Variants in PCDHGA5 observed in about 807,000 individuals in gnomAD.
PCDHGA5 encodes protocadherin gamma-A5.
PCDHGA5 carries 36 observed loss-of-function variants against 56.7 expected under a neutral mutation model. The ratio of observed to expected loss-of-function variants is 0.64; its 90% CI spans 0.49 to 0.84. The LOEUF (loss-of-function observed/expected upper bound fraction) is 0.84, where lower values mean the gene tolerates loss of function less well. Ranked by LOEUF, PCDHGA5 falls within the 40% of genes least tolerant of loss-of-function variation. The probability of loss-of-function intolerance (pLI) is 0.00; values close to 1 mark genes in which losing one functional copy is unlikely to be tolerated. For synonymous variants in PCDHGA5, 563 were observed against 520.2 expected, an observed-to-expected ratio of 1.08 and a Z score of -1.12; for missense variants, 1,305 against 1,201.5, an observed-to-expected ratio of 1.09 and a Z score of -1.27.
chr5:141,403,217 A>G (rs763517467), intron 1 of PCDHGA5: 10 of 1,613,810 alleles, frequency 6.2e-6, no homozygotes, highest in East Asian at 2.2e-5. Context: ...CACCGCGGGT[A>G]GGATAGACCG....
intron 1 of PCDHGA5, chr5:141,415,520 C>T: frequency 6.2e-7 from 1 of 1,614,190 alleles, no homozygotes; most frequent in Non-Finnish European, 8.5e-7. Flanking sequence ...TATGCGGACA[C>T]GCTCATCAGC....
At chr5:141,392,776 C>T in intron 1 of PCDHGA5, 1 of 1,526,772 alleles carries the variant, frequency 6.5e-7, no homozygotes, top group African/African-American at 1.4e-5. Flanking sequence ...CATTTATGCA[C>T]AGTGAAGATT....
In PCDHGA5 at chr5:141,487,694, AC is replaced by A. The variant is rs1296386169; in HGVS notation, c.2422-7112del. On this transcript the variant is annotated intron_variant, in intron 1 of 3. Coordinates refer to ENST00000518069, the MANE Select transcript of PCDHGA5 (RefSeq NM_018918.3). The surrounding 1 kb of genome is among the most constrained non-coding windows in gnomAD (Gnocchi z 5.0). ...ATGGCTAGGCCATGTCCTAGAGAGT[AC>A]TGGCCTCTCAGTAAGTGCCCATAGT... is the stretch of plus-strand genomic sequence containing the variant. The A allele has an allele frequency of 6.2e-7, 1 of 1,602,048 alleles. No individual in the cohort carries two copies. The highest frequency in any genetic ancestry group is 2.2e-5 in the East Asian group (1 of 44,642).
At chr5:141,391,264 G>A (rs1427432631) in intron 1 of PCDHGA5, 1 of 151,768 alleles carries the variant, frequency 6.6e-6, no homozygotes, top group Non-Finnish European at 1.5e-5. Context: ...TCAGTTAATG[G>A]CCACTTTACA....
At chr5:141,413,267 GA>G in intron 1 of PCDHGA5, 1 of 1,613,960 alleles carries the variant, frequency 6.2e-7, no homozygotes, top group Non-Finnish European at 8.5e-7. Flanking sequence ...TGGGAGGCTG[GA>G]GCCCGGCAGA....
chr5:141,505,803 C>A (rs920849273), intron 3 of PCDHGA5, among the ~76,000 whole-genome samples: 2 of 152,234 alleles, frequency 1.3e-5, no homozygotes, highest in African/African-American at 4.8e-5. Flanking sequence ...GGACTTGGAT[C>A]GACTTGCTCA....
In PCDHGA5 at chr5:141,489,515, G is replaced by A. The variant is rs983415025; in HGVS notation, c.2422-5292G>A. On this transcript the variant is annotated intron_variant, in intron 1 of 3. Coordinates refer to ENST00000518069, the MANE Select transcript of PCDHGA5 (RefSeq NM_018918.3). The surrounding 1 kb of genome is among the most constrained non-coding windows in gnomAD (Gnocchi z 4.5). ...CTGGCAGTGAATCAAAAGATTGACC[G>A]AGAAAGCCTATGTGGAGCCAGCACC... 2 of 1,614,104 alleles carry A rather than the reference G, an allele frequency of 1.2e-6. No homozygotes were observed. Among genetic ancestry groups the A allele is most frequent in the Non-Finnish European group, 8.5e-7 (1 of 1,180,034 alleles).
chr5:141,388,871 C>G, intron 1 of PCDHGA5: 1 of 1,613,930 alleles, frequency 6.2e-7, no homozygotes, highest in Non-Finnish European at 8.5e-7. Flanking sequence ...TTGCGCAATG[C>G]ACAGTGGAGG....
intron 1 of PCDHGA5, among the ~76,000 whole-genome samples, chr5:141,470,483 G>T (rs1163257164): frequency 6.6e-6 from 1 of 152,112 alleles, no homozygotes; most frequent in African/African-American, 2.4e-5. Context: ...CTAACCCTCT[G>T]GGAATAATAT....
chr5:141,382,422 C>A (rs1778191772), intron 1 of PCDHGA5, among the ~76,000 whole-genome samples: 1 of 152,092 alleles, frequency 6.6e-6, no homozygotes, highest in Admixed American at 6.5e-5. Context: ...AGTCAGTGCC[C>A]AAAAGAGTCA....
At chr5:141,389,245 C>A (rs755580542) in intron 1 of PCDHGA5, 6 of 1,613,950 alleles carry the variant, frequency 3.7e-6, no homozygotes, top group Non-Finnish European at 5.1e-6. Context: ...TCACAGTCTT[C>A]CTATATAGTC....
chr5:141,486,379 G>A lies in PCDHGA5; in HGVS notation c.2422-8428G>A. 2 of 1,614,094 alleles carry A rather than the reference G, an allele frequency of 1.2e-6. No individual in the cohort carries two copies. Among genetic ancestry groups the A allele is most frequent in the Non-Finnish European group, 1.7e-6 (2 of 1,180,000 alleles). ...CATTTGCCCTCAAGTCTGCCTTCAG[G>A]AACCAGTTCTCCCTGGTGACTGCTG... On this transcript the variant is annotated intron_variant, in intron 1 of 3. Transcript: ENST00000518069. The surrounding 1 kb of genome is among the most constrained non-coding windows in gnomAD (Gnocchi z 5.0).
rs374825504 is a variant in PCDHGA5 at position 141,364,543 on chromosome 5, G to A, written c.213G>A (p.Arg71=). 26 of 1,614,010 alleles carry A rather than the reference G, an allele frequency of 1.6e-5. No individual in the cohort carries two copies. The highest frequency in any genetic ancestry group is 1.6e-4 in the Middle Eastern group (1 of 6,082). The change falls in exon 1 of 4, where the codon AGG becomes AGA. Residue 71 remains arginine (R), a synonymous_variant. Coordinates refer to ENST00000518069, the MANE Select transcript of PCDHGA5 (RefSeq NM_018918.3). The stretch of plus-strand genomic sequence containing the variant: ...GAGTCCGCATCGTCTCCAGAGGTAG[G>A]ACGCAGCTTTTTGCCCTGAACCCGC... ...ERGVRIVSRG[R]TQLFALNPRS... is the part of the protein sequence containing the mutation.
At chr5:141,380,936 C>G (rs905887369) in intron 1 of PCDHGA5, among the ~76,000 whole-genome samples, 1 of 152,194 alleles carries the variant, frequency 6.6e-6, no homozygotes, top group African/African-American at 2.4e-5. Flanking sequence ...ATACACTTTG[C>G]TTGCCTCAAC....
At chr5:141,433,084 T>G in intron 1 of PCDHGA5, 1 of 1,614,184 alleles carries the variant, frequency 6.2e-7, no homozygotes, top group Non-Finnish European at 8.5e-7. Flanking sequence ...AGCCCAACTA[T>G]GCAGACATGC....
rs138608867 is a variant in PCDHGA5 at position 141,477,655 on chromosome 5, T to C, written c.2422-17152T>C. 5.0e-3 allele frequency: 8,034 copies of C among 1,614,186 alleles called. 44 individuals carry two copies. The highest frequency in any genetic ancestry group is 9.4e-3 in the Admixed American group (567 of 60,020). On this transcript the variant is annotated intron_variant, in intron 1 of 3. Coordinates refer to ENST00000518069, the MANE Select transcript of PCDHGA5 (RefSeq NM_018918.3). The surrounding 1 kb of genome is among the most constrained non-coding windows in gnomAD (Gnocchi z 4.9). ...TAGTGGGTCGCTATTTCACAATAAA[T>C]CGTGACAATGGCATAGTGTCATCCT...
chr5:141,422,703 G>A (rs1473348513), intron 1 of PCDHGA5: 1 of 1,603,132 alleles, frequency 6.2e-7, no homozygotes, highest in Admixed American at 1.7e-5. Context: ...CTTACTCTCT[G>A]ACGGATGACA....
chr5:141,394,009 GTAA>G, intron 1 of PCDHGA5: 1 of 1,613,394 alleles, frequency 6.2e-7, no homozygotes, highest in Non-Finnish European at 8.5e-7. Flanking sequence ...AAGTCAATAG[GTAA>G]TTATTATAGA....
At position 141,477,271 on chromosome 5, in the gene PCDHGA5, G is replaced by T; in HGVS notation, c.2422-17536G>T. On this transcript the variant is annotated intron_variant, in intron 1 of 3. Transcript: ENST00000518069. The surrounding 1 kb of genome is among the most constrained non-coding windows in gnomAD (Gnocchi z 4.9). ...CTGACCTGGATGCTGGCGAGAACGG[G>T]CTGGTGACCTGCGAAGTTCCACCGG... The T allele has an allele frequency of 1.2e-6, 2 of 1,614,212 alleles. No homozygotes were observed. The highest frequency in any genetic ancestry group is 1.7e-6 in the Non-Finnish European group (2 of 1,180,044).
Sources: allele counts gnomAD v4.1 joint callset (sites outside exome capture counted in the v4.1 genomes callset), GRCh38; gene constraint gnomAD v4.1.1; non-coding constraint Gnocchi (gnomAD v3.1); transcripts MANE v1.5; gene names NCBI Gene and HGNC (gene_info 2026-07-23, HGNC 2026-07-21).